CLVS1: variants seen among roughly 807,000 people sequenced by gnomAD.
CLVS1 encodes clavesin-1.
A neutral mutation model predicts 33.1 loss-of-function variants in CLVS1; 10 were observed. The observed-to-expected ratio is 0.30, with a 90% CI of 0.19 to 0.51. The LOEUF (loss-of-function observed/expected upper bound fraction) is 0.51. CLVS1 is among the 20% of genes least tolerant of loss of function. The pLI is 0.97. For synonymous variants in CLVS1, 163 were observed against 166.1 expected, an observed-to-expected ratio of 0.98 and a Z score of 0.14; for missense variants, 343 against 433.4, an observed-to-expected ratio of 0.79 and a Z score of 1.85.
At chr8:61,389,042 A>G (rs900810932) in intron 3 of CLVS1, among the ~76,000 whole-genome samples, 9 of 152,088 alleles carry the variant, frequency 5.9e-5, no homozygotes, top group Non-Finnish European at 1.2e-4. Flanking sequence ...GCGGTGTTTT[A>G]TTTTCTGTGC....
chr8:61,236,676 C>G (rs1808568982), intron 2 of CLVS1, among the ~76,000 whole-genome samples: 1 of 152,174 alleles, frequency 6.6e-6, no homozygotes, highest in South Asian at 2.1e-4. Flanking sequence ...AATAGCTCCC[C>G]AGGGCCTAGA....
intron 2 of CLVS1, among the ~76,000 whole-genome samples, chr8:61,367,613 A>G (rs1176171530): frequency 6.6e-6 from 1 of 152,226 alleles, no homozygotes; most frequent in African/African-American, 2.4e-5. Context: ...CTTTCTGTGC[A>G]TTACCATGAG....
chr8:61,431,881 A>G (rs1816128055), intron 3 of CLVS1, among the ~76,000 whole-genome samples: 1 of 152,202 alleles, frequency 6.6e-6, no homozygotes, highest in Non-Finnish European at 1.5e-5. Context: ...CACTTAAATA[A>G]TTATTGAGTA....
the CLVS1 span, among the ~76,000 whole-genome samples, chr8:60,972,703 C>G: frequency 2.6e-5 from 4 of 152,188 alleles, no homozygotes; most frequent in African/African-American, 7.2e-5. Context: ...GGACTCAGTG[C>G]AGGAGGACTG....
chr8:61,169,062 A>C (rs568048477), intron 2 of CLVS1, among the ~76,000 whole-genome samples: 1 of 152,278 alleles, frequency 6.6e-6, no homozygotes, highest in East Asian at 1.9e-4. Flanking sequence ...GTTCAATTGG[A>C]TTGGCCAGGG....
intron 5 of CLVS1, chr8:61,465,725 G>C (rs1377349012): frequency 6.6e-6 from 1 of 152,130 alleles, no homozygotes; most frequent in Non-Finnish European, 1.5e-5. Flanking sequence ...GCAGTGGTAT[G>C]ATCTCGGCTC....
intron 2 of CLVS1, among the ~76,000 whole-genome samples, chr8:61,140,249 A>C (rs1010801451): frequency 5.3e-5 from 8 of 152,146 alleles, no homozygotes; most frequent in Non-Finnish European, 1.0e-4. Context: ...AGCGTGCTTT[A>C]TTTCTTTACA....
At chr8:61,086,386 C>G (rs1248317197) in intron 1 of CLVS1, among the ~76,000 whole-genome samples, 3 of 152,050 alleles carry the variant, frequency 2.0e-5, no homozygotes, top group African/African-American at 7.2e-5. Flanking sequence ...TACAGGACAC[C>G]CAGTGACATC....
the CLVS1 span, among the ~76,000 whole-genome samples, chr8:60,988,506 T>C: frequency 1.3e-5 from 2 of 152,100 alleles, no homozygotes; most frequent in African/African-American, 2.4e-5. Context: ...AGTCATTCTA[T>C]GTAAAACAGC....
chr8:61,059,467 C>CATATATATATATATATATAT (rs1437621240), intron 1 of CLVS1, among the ~76,000 whole-genome samples: 3 of 22,564 alleles, frequency 1.3e-4, no homozygotes, highest in Non-Finnish European at 2.4e-4. Flanking sequence ...CATATACATA[C>CATATATATATATATATATAT]ATACATACAT....
chr8:61,285,463 C>T (rs1409745715), upstream of CLVS1, among the ~76,000 whole-genome samples: 3 of 152,166 alleles, frequency 2.0e-5, no homozygotes, highest in South Asian at 2.1e-4. Context: ...TTCAGCTCCG[C>T]ACATGGAAGC....
chr8:61,077,580 A>C (rs1804944212), intron 1 of CLVS1, among the ~76,000 whole-genome samples: 1 of 151,708 alleles, frequency 6.6e-6, no homozygotes, highest in Admixed American at 6.6e-5. Flanking sequence ...GGTTCAAGTG[A>C]TTCTCTTGCC....
chr8:61,047,017 C>T, the CLVS1 span, among the ~76,000 whole-genome samples: 49 of 152,052 alleles, frequency 3.2e-4, 1 homozygote, highest in Admixed American at 1.3e-4. Flanking sequence ...CCAGAACTTC[C>T]AACACTATGT....
intron 2 of CLVS1, among the ~76,000 whole-genome samples, chr8:61,165,044 G>A (rs142706680): frequency 0.026 from 4,014 of 152,322 alleles, 169 homozygotes; most frequent in African/African-American, 0.09. Context: ...ATTAGAAGCC[G>A]TGGGTCACGG....
chr8:61,312,892 T>G (rs1810881507), intron 2 of CLVS1, among the ~76,000 whole-genome samples: 1 of 152,196 alleles, frequency 6.6e-6, no homozygotes, highest in South Asian at 2.1e-4. Context: ...TGTTGCAAAG[T>G]TCTTACTAAA....
At chr8:61,486,377 A>G (rs939204167) in intron 5 of CLVS1, among the ~76,000 whole-genome samples, 14 of 152,364 alleles carry the variant, frequency 9.2e-5, no homozygotes, top group African/African-American at 3.4e-4. Flanking sequence ...TATTCTTACA[A>G]GAACTCATCT....
At chr8:61,287,964 G>T (rs1320200527), upstream of CLVS1, 8 of 385,576 alleles carry the variant, frequency 2.1e-5, no homozygotes, top group African/African-American at 1.7e-4. Flanking sequence ...AGAATCGGGC[G>T]CACACGCCTC....
At chr8:61,158,790 T>C (rs985958938) in intron 2 of CLVS1, among the ~76,000 whole-genome samples, 2 of 152,222 alleles carry the variant, frequency 1.3e-5, no homozygotes, top group Admixed American at 1.3e-4. Flanking sequence ...GTGGACATGA[T>C]ATACAGTAAT....
the CLVS1 span, among the ~76,000 whole-genome samples, chr8:60,996,142 C>A: frequency 6.6e-6 from 1 of 152,112 alleles, no homozygotes; most frequent in African/African-American, 2.4e-5. Context: ...TGCACATGTA[C>A]CCTAAAACTT....
Sources: allele counts gnomAD v4.1 joint callset (sites outside exome capture counted in the v4.1 genomes callset), GRCh38; gene constraint gnomAD v4.1.1; transcripts MANE v1.5; gene names NCBI Gene and HGNC (gene_info 2026-07-23, HGNC 2026-07-21).